DGKI: variants seen among roughly 807,000 people sequenced by gnomAD.
DGKI encodes DAG kinase iota.
Under a neutral mutation model 147.5 loss-of-function variants are expected in DGKI, and 55 were observed. That is an observed-to-expected ratio of 0.37 (90% CI 0.30 to 0.47). The LOEUF (loss-of-function observed/expected upper bound fraction) is 0.47, where lower values mean the gene tolerates loss of function less well. Among genes scored for constraint, DGKI ranks in the 20% least tolerant of loss-of-function variants. The probability of loss-of-function intolerance (pLI) is 1.00; values close to 1 mark genes in which losing one functional copy is unlikely to be tolerated. For missense variants in DGKI, 1,007 were observed against 1,323.8 expected (o/e 0.76, Z 3.71); for synonymous variants, 469 against 477.1 (o/e 0.98, Z 0.22).
Position 137,463,637 on chromosome 7 carries a change from G to A in DGKI, c.2613-26C>T, listed in dbSNP as rs761542915. The A allele has an allele frequency of 7.5e-6, 12 of 1,606,284 alleles. No individual in the cohort carries two copies. The South Asian group carries it at 1.3e-4, about 18-fold the overall frequency. On this transcript the variant is annotated intron_variant, in intron 26 of 32. Coordinates refer to ENST00000614521, the MANE Select transcript of DGKI (RefSeq NM_001321708.2). The stretch of plus-strand genomic sequence containing the variant: ...CTGAGAGAAAGAAGGGCACCAGACA[G>A]TTAAACATTCAAAGTCAGCCACGTG...
chr7:137,517,303 GAAAGAAAGAAAGAAAGAA>G, intron 21 of DGKI, among the ~76,000 whole-genome samples: 13 of 97,548 alleles, frequency 1.3e-4, no homozygotes, highest in African/African-American at 4.7e-4. Flanking sequence ...AAGAAAGAAA[GAAAGAAAGAAAGAAAGAA>G]AGAAAGAAAG....
At chr7:137,587,007 C>G in intron 13 of DGKI, 90 bp downstream of exon 13, 1 of 924,684 alleles carries the variant, frequency 1.1e-6, no homozygotes, top group East Asian at 2.8e-5. Flanking sequence ...ACAGCAGCAG[C>G]AGTACCCCCC....
chr7:137,807,223 A>C (rs896871679), intron 1 of DGKI, among the ~76,000 whole-genome samples: 1 of 152,224 alleles, frequency 6.6e-6, no homozygotes, highest in African/African-American at 2.4e-5. Flanking sequence ...TGGTTTTCAA[A>C]TACAAGGACT....
chr7:137,805,610 C>T (rs1563205767), intron 1 of DGKI, among the ~76,000 whole-genome samples: 1 of 152,212 alleles, frequency 6.6e-6, no homozygotes, highest in Non-Finnish European at 1.5e-5. Context: ...AAGCATGCAA[C>T]CAGGCAGATG....
At chr7:137,433,643 T>C (rs1262618518) in intron 28 of DGKI, among the ~76,000 whole-genome samples, 3 of 152,216 alleles carry the variant, frequency 2.0e-5, no homozygotes, top group East Asian at 3.8e-4. Context: ...CTTTTAACAA[T>C]AGGCACAATT....
At chr7:137,419,914 T>C (rs1406359246) in intron 28 of DGKI, among the ~76,000 whole-genome samples, 1 of 152,228 alleles carries the variant, frequency 6.6e-6, no homozygotes, top group Admixed American at 6.5e-5. Context: ...GTATCAACTA[T>C]CTATTATTGC....
At chr7:137,396,398 C>G (rs1483965064) in intron 31 of DGKI, among the ~76,000 whole-genome samples, 3 of 152,236 alleles carry the variant, frequency 2.0e-5, no homozygotes, top group African/African-American at 4.8e-5. Flanking sequence ...ATTTCCCCAT[C>G]ACTGACAGGC....
At chr7:137,730,055 A>G (rs532413445) in intron 1 of DGKI, among the ~76,000 whole-genome samples, 1 of 152,258 alleles carries the variant, frequency 6.6e-6, no homozygotes, top group Admixed American at 6.5e-5. Flanking sequence ...TCTATGTCTC[A>G]TTTTAAATAC....
intron 1 of DGKI, among the ~76,000 whole-genome samples, chr7:137,766,834 C>T (rs908750235): frequency 1.3e-5 from 2 of 152,182 alleles, no homozygotes; most frequent in Non-Finnish European, 2.9e-5. Flanking sequence ...CTGTTTCCCA[C>T]TCCAAACTTG....
At chr7:137,468,628 A>G (rs764308272) in intron 24 of DGKI, among the ~76,000 whole-genome samples, 1 of 152,196 alleles carries the variant, frequency 6.6e-6, no homozygotes, top group African/African-American at 2.4e-5. Flanking sequence ...TATGGCATTC[A>G]AAGTGTTCTG....
intron 8 of DGKI, among the ~76,000 whole-genome samples, chr7:137,618,055 T>C (rs1338451711): frequency 7.0e-6 from 1 of 141,912 alleles, no homozygotes; most frequent in Non-Finnish European, 1.5e-5. Flanking sequence ...AACTAGTGTG[T>C]CTGCGGACTT....
intron 29 of DGKI, 95 bp downstream of exon 29, chr7:137,412,074 AT>A (rs1474682746): frequency 1.6e-6 from 2 of 1,217,068 alleles, no homozygotes. Flanking sequence ...GCAGGGGATG[AT>A]AAATGATAGA....
chr7:137,776,878 A>G (rs528130561), intron 1 of DGKI, among the ~76,000 whole-genome samples: 1 of 152,238 alleles, frequency 6.6e-6, no homozygotes, highest in East Asian at 1.9e-4. Flanking sequence ...ATAATAATCA[A>G]TTGTAAGAAA....
intron 1 of DGKI, among the ~76,000 whole-genome samples, chr7:137,773,219 T>C (rs544856165): frequency 1.3e-5 from 2 of 152,354 alleles, no homozygotes; most frequent in Non-Finnish European, 2.9e-5. Flanking sequence ...ATGGGATTTA[T>C]TTCATATTAG....
At chr7:137,769,044 A>C (rs142306343) in intron 1 of DGKI, among the ~76,000 whole-genome samples, 194 of 152,336 alleles carry the variant, frequency 1.3e-3, no homozygotes, top group East Asian at 2.5e-3. Context: ...TTGTCTTCTC[A>C]AAAAATAGAA....
At chr7:137,561,459 T>C (rs780621633) in intron 19 of DGKI, among the ~76,000 whole-genome samples, 1 of 152,124 alleles carries the variant, frequency 6.6e-6, no homozygotes, top group Non-Finnish European at 1.5e-5. Context: ...TGTTAAAGGA[T>C]ACAAAATTAA....
At chr7:137,834,842 A>G (rs1585550484) in intron 1 of DGKI, among the ~76,000 whole-genome samples, 1 of 152,358 alleles carries the variant, frequency 6.6e-6, no homozygotes, top group South Asian at 2.1e-4. Context: ...CCACACACAG[A>G]TCAATCCATC....
intron 1 of DGKI, among the ~76,000 whole-genome samples, chr7:137,769,501 T>C (rs1796120071): frequency 6.6e-6 from 1 of 152,088 alleles, no homozygotes; most frequent in Non-Finnish European, 1.5e-5. Flanking sequence ...CTAAACAGCT[T>C]CTGCACAGCA....
chr7:137,450,190 G>T (rs1466129868), intron 27 of DGKI, among the ~76,000 whole-genome samples: 1 of 152,132 alleles, frequency 6.6e-6, no homozygotes, highest in Non-Finnish European at 1.5e-5. Flanking sequence ...AGTTAGATAG[G>T]AAGAATAGTT....
Sources: gnomAD v4.1 joint callset for allele counts (sites outside exome capture counted in the v4.1 genomes callset) on GRCh38, gnomAD v4.1.1 for gene constraint, MANE v1.5 for transcripts, NCBI Gene and HGNC (gene_info 2026-07-23, HGNC 2026-07-21) for gene names.